Variants in GLYCTK observed in about 807,000 individuals in gnomAD.
GLYCTK encodes the protein glycerate kinase.
In GLYCTK, 22 loss-of-function variants were observed where a neutral mutation model predicts 24.8. That is an observed-to-expected ratio of 0.89 (90% confidence interval 0.63 to 1.27). The LOEUF (loss-of-function observed/expected upper bound fraction) is 1.27, where lower values mean the gene tolerates loss of function less well. Among genes scored for constraint, GLYCTK ranks in the 50% most tolerant of loss-of-function variants. The pLI is 0.00. For missense variants in GLYCTK, 684 were observed against 686.7 expected (o/e 1.00, Z 0.04); for synonymous variants, 320 against 297.2 (o/e 1.08, Z -0.79).
At chr3:52,291,493 G>C (rs1026491287) in intron 3 of GLYCTK, 17 of 586,420 alleles carry the variant, frequency 2.9e-5, no homozygotes, top group Admixed American at 6.0e-5. Context: ...TGTGCCCCCT[G>C]CCCTGCCTCC....
chr3:52,293,243 T>G lies in GLYCTK; in HGVS notation c.*117T>G. ...CTTAGGGCCCCTCCTCTCCTTGGCC[T>G]TGGCTGTTTGGTTAACTGTCACCTT... is the stretch of plus-strand genomic sequence containing the variant. On this transcript the variant is annotated 3_prime_UTR_variant, in exon 5 of 5. Coordinates refer to ENST00000436784, the MANE Select transcript of GLYCTK (RefSeq NM_145262.4). 9.6e-7 allele frequency: 1 copy of G among 1,042,732 alleles called. No homozygotes were observed. The highest frequency in any genetic ancestry group is 1.4e-6 in the Non-Finnish European group (1 of 690,814). The allele number at this position is 1,042,732 out of a possible 1,614,324, so 64.6% of individuals were successfully genotyped here. A position where few individuals can be genotyped will look rare whatever the true frequency, so the allele number is the denominator to read the frequency against.
At position 52,293,895 on chromosome 3, in the gene GLYCTK, T is replaced by C. The variant is rs748426712; in HGVS notation, c.*769T>C. 4.6e-5 allele frequency: 21 copies of C among 453,940 alleles called. No individual in the cohort carries two copies. The highest frequency in any genetic ancestry group is 8.4e-5 in the Non-Finnish European group (19 of 226,780). 28.1% of individuals were successfully genotyped at this position (453,940 alleles called of 1,614,324 possible). A position where few individuals can be genotyped will look rare whatever the true frequency, so the allele number is the denominator to read the frequency against. On this transcript the variant is annotated 3_prime_UTR_variant, in exon 5 of 5. Transcript: ENST00000436784. ...GCACTTCTGGTTGAGCTGAAGTTTG[T>C]CCCACCCCCCAGTGCTGTTTCCTTG...
At position 52,293,429 on chromosome 3, in the gene GLYCTK, T is replaced by C. The variant is rs1578033087; in HGVS notation, c.*303T>C. On this transcript the variant is annotated 3_prime_UTR_variant, in exon 5 of 5. Transcript: ENST00000436784. The stretch of plus-strand genomic sequence containing the variant: ...CTCTTGAGCCCCTCACCCTGTTTCT[T>C]TCTGTGAAGCGAGAATGTCTGAAAA... 4.9e-6 allele frequency: 3 copies of C among 617,382 alleles called. No individual in the cohort carries two copies. Among genetic ancestry groups the C allele is most frequent in the Non-Finnish European group, 6.1e-6 (2 of 330,324 alleles). 38.2% of individuals were successfully genotyped at this position (617,382 alleles called of 1,614,324 possible). A position where few individuals can be genotyped will look rare whatever the true frequency, so the allele number is the denominator to read the frequency against.
At chr3:52,291,617 A>G in intron 3 of GLYCTK, 130 bp from the exon 4 acceptor site, 1 of 824,780 alleles carries the variant, frequency 1.2e-6, no homozygotes. Context: ...CACATATTGC[A>G]TATCCACAGG....
At chr3:52,290,239 G>A in intron 1 of GLYCTK, 65 bp from the exon 2 acceptor site, 2 of 1,373,114 alleles carry the variant, frequency 1.5e-6, no homozygotes, top group East Asian at 2.4e-5. Flanking sequence ...CCCTCAGAGG[G>A]GCGGCCGTGG....
chr3:52,291,110 A>G lies in GLYCTK; in HGVS notation c.528A>G (p.Ser176=), dbSNP rs779254706. ...TADDLLLVLI[S]GGGSALLPAP... ...ATGACCTGCTGCTCGTGCTGATCTCAGGTGTGGTACCACATTGGCCCAAGA... is the reference window on the plus strand; with the variant it reads ...ATGACCTGCTGCTCGTGCTGATCTCGGGTGTGGTACCACATTGGCCCAAGA... The change falls in exon 3 of 5, where the codon TCA becomes TCG. Residue 176 remains serine (S), a splice_region_variant and synonymous_variant. Transcript: ENST00000436784. 2 of 1,609,722 alleles carry G rather than the reference A, an allele frequency of 1.2e-6. No homozygotes were observed. The highest frequency in any genetic ancestry group is 2.2e-5 in the South Asian group (2 of 91,074).
chr3:52,291,337 G>A (rs1178528108), intron 3 of GLYCTK: 1 of 612,324 alleles, frequency 1.6e-6, no homozygotes, highest in Non-Finnish European at 2.9e-6. Flanking sequence ...GTGACAGTGA[G>A]AGGGTGCATG....
In GLYCTK at chr3:52,293,438, G is replaced by T; in HGVS notation, c.*312G>T. On this transcript the variant is annotated 3_prime_UTR_variant, in exon 5 of 5. Transcript: ENST00000436784. ...CCCTCACCCTGTTTCTTTCTGTGAA[G>T]CGAGAATGTCTGAAAATAAATAGGA... 1.7e-6 allele frequency: 1 copy of T among 598,480 alleles called. No individual in the cohort carries two copies. The highest frequency in any genetic ancestry group is 3.1e-6 in the Non-Finnish European group (1 of 318,484). The allele number at this position is 598,480 out of a possible 1,614,324, so 37.1% of individuals were successfully genotyped here. A position where few individuals can be genotyped will look rare whatever the true frequency, so the allele number is the denominator to read the frequency against.
At position 52,294,030 on chromosome 3, in the gene GLYCTK, G is replaced by A. The variant is rs1700569350; in HGVS notation, c.*904G>A. ...TCAGTGGGGGTCCCAGCACTGGGAT[G>A]GTGGGTCCAGCCAGTGATGAGGTCC... On this transcript the variant is annotated 3_prime_UTR_variant, in exon 5 of 5. Transcript: ENST00000436784. 2 of 429,136 alleles carry A rather than the reference G, an allele frequency of 4.7e-6. No individual in the cohort carries two copies. The highest frequency in any genetic ancestry group is 4.7e-6 in the Non-Finnish European group (1 of 210,666). 26.6% of individuals were successfully genotyped at this position (429,136 alleles called of 1,614,324 possible). A position where few individuals can be genotyped will look rare whatever the true frequency, so the allele number is the denominator to read the frequency against.
intron 3 of GLYCTK, 88 bp from the exon 4 acceptor site, chr3:52,291,659 T>A: frequency 2.3e-6 from 3 of 1,300,674 alleles, no homozygotes; most frequent in Non-Finnish European, 3.3e-6. Context: ...TCCAGCCCCC[T>A]TTTTCTAATG....
Position 52,292,499 on chromosome 3 carries a change from G to A in GLYCTK, c.945G>A (p.Ala315=), listed in dbSNP as rs768220406. Residue 315 remains alanine, a synonymous_variant, in exon 5 of 5, where the codon GCG becomes GCA. Transcript: ENST00000436784. ...TGATCATTGGCTCTAATGTGCTGGCGCTAGCTGAGGCCCAGCGGCAGGCCG... is the reference window on the plus strand; with the variant it reads ...TGATCATTGGCTCTAATGTGCTGGCACTAGCTGAGGCCCAGCGGCAGGCCG... The part of the protein sequence containing the change: ...LNVIIGSNVL[A]LAEAQRQAEA... The A allele has an allele frequency of 1.7e-4, 269 of 1,613,462 alleles. No homozygotes were observed. The highest frequency in any genetic ancestry group is 2.2e-4 in the Non-Finnish European group (255 of 1,179,980).
At chr3:52,290,875 G>A in intron 2 of GLYCTK, 85 bp from the exon 3 acceptor site, 2 of 1,597,614 alleles carry the variant, frequency 1.3e-6, no homozygotes, top group Non-Finnish European at 1.7e-6. Context: ...CTTCGTTCAT[G>A]CCCCCATCAC....
chr3:52,292,285 T>C lies in GLYCTK; in HGVS notation c.731T>C (p.Val244Ala), dbSNP rs753350229. ...GTGGTGAGCCTCATCCTGTCAGATGTGGTGGGGGACCCTGTGGAGGTGATT... is the reference window on the plus strand; with the variant it reads ...GTGGTGAGCCTCATCCTGTCAGATGCGGTGGGGGACCCTGTGGAGGTGATT... Reference protein sequence around the residue: ...AQVVSLILSDVVGDPVEVIAS... With the variant: ...AQVVSLILSDAVGDPVEVIAS... Residue 244 changes from valine (V) to alanine (A), a missense_variant, in exon 5 of 5, where the codon GTG becomes GCG. Transcript: ENST00000436784. The C allele has an allele frequency of 3.7e-6, 6 of 1,613,826 alleles. No individual in the cohort carries two copies. In the East Asian group the frequency reaches 1.3e-4, roughly 36 times the overall value.
rs199508919 is a variant in GLYCTK at position 52,290,707 on chromosome 3, G to A, written c.365G>A (p.Arg122His). 32 of 1,611,342 alleles carry A rather than the reference G, an allele frequency of 2.0e-5. No homozygotes were observed. Among genetic ancestry groups the A allele is most frequent in the South Asian group, 8.8e-5 (8 of 91,002 alleles). ...AAGGGGATCCGTGCTGCCATGGAGC[G>A]TGCCGGCAAGCAGTAAGGAGCCATG... is the stretch of plus-strand genomic sequence containing the variant. Reference protein sequence around the residue: ...VPKGIRAAMERAGKQEMLLKP... With the variant: ...VPKGIRAAMEHAGKQEMLLKP... The change falls in exon 2 of 5, where the codon CGT becomes CAT. Residue 122 changes from arginine to histidine, a missense_variant. Arg to His is a conservative substitution (Grantham distance 29). Transcript: ENST00000436784.
chr3:52,290,019 G>C, intron 1 of GLYCTK: 1 of 434,660 alleles, frequency 2.3e-6, no homozygotes, highest in South Asian at 3.6e-5. Flanking sequence ...GGTGACCTGG[G>C]AGGAGGGCCC....
rs776694912 is a variant in GLYCTK at position 52,294,196 on chromosome 3, C to A, written c.*1070C>A. On this transcript the variant is annotated 3_prime_UTR_variant, in exon 5 of 5. Transcript: ENST00000436784. Reference sequence around the variant, plus strand: ...CTGCCTCCTTTTGAGCCCCCTTGCTCAGTGTCAGAACCCTCCGCTGGCTGT... The same window carrying A: ...CTGCCTCCTTTTGAGCCCCCTTGCTAAGTGTCAGAACCCTCCGCTGGCTGT... The A allele has an allele frequency of 3.7e-6, 2 of 534,346 alleles. No individual in the cohort carries two copies. Among genetic ancestry groups the A allele is most frequent in the Non-Finnish European group, 7.7e-6 (2 of 260,018 alleles). 33.1% of individuals were successfully genotyped at this position (534,346 alleles called of 1,614,324 possible).
intron 3 of GLYCTK, 187 bp from the exon 4 acceptor site, chr3:52,291,560 A>C (rs1700470358): frequency 1.6e-6 from 1 of 609,868 alleles, no homozygotes; most frequent in East Asian, 2.8e-5. Flanking sequence ...GACCTGGGGT[A>C]CCCCAAGGCA....
rs146664705 is a variant in GLYCTK at position 52,288,194 on chromosome 3, C to G, written c.-40+318C>G. Among the ~76,000 whole-genome samples, 598 of 152,152 alleles carry G rather than the reference C, an allele frequency of 3.9e-3. 5 individuals carry two copies. The highest frequency in any genetic ancestry group is 0.023 in the South Asian group (112 of 4,812). On this transcript the variant is annotated intron_variant, in intron 1 of 4. Transcript: ENST00000436784. ...TCTTGGATAGAATTGGAGGACTTAGCAAATAAAAATGCAAAGCGTCCAGTT... is the reference window on the plus strand; with the variant it reads ...TCTTGGATAGAATTGGAGGACTTAGGAAATAAAAATGCAAAGCGTCCAGTT...
Position 52,292,979 on chromosome 3 carries a change from T to G in GLYCTK, c.1425T>G (p.Ala475=). The G allele has an allele frequency of 6.2e-7, 1 of 1,614,142 alleles. No individual in the cohort carries two copies. Residue 475 remains alanine, a synonymous_variant, in exon 5 of 5, where the codon GCT becomes GCG. Transcript: ENST00000436784. ...VTPELASQAA[A]EGLDIATFLA... ...CTGAGCTTGCCAGCCAGGCTGCAGC[T>G]GAGGGCCTGGACATAGCCACCTTCC...
Sources: gnomAD v4.1 joint callset for allele counts (sites outside exome capture counted in the v4.1 genomes callset) on GRCh38, gnomAD v4.1.1 for gene constraint, MANE v1.5 for transcripts, NCBI Gene and HGNC (gene_info 2026-07-23, HGNC 2026-07-21) for gene names.